The following SLC38A8 variants were observed in gnomAD, a reference collection of about 807,000 sequenced individuals.
SLC38A8 encodes the protein solute carrier family 38 member 8, also known as amino acid transporter SLC38A8.
In SLC38A8, 65 loss-of-function variants were observed where a neutral mutation model predicts 46.0. That is an observed-to-expected ratio of 1.41 (90% CI 1.16 to 1.74). The LOEUF is 1.74. Ranked by LOEUF, SLC38A8 falls within the 40% of genes most tolerant of loss-of-function variation. The pLI, the probability that SLC38A8 is intolerant of heterozygous loss-of-function variation, is 0.00. For missense variants in SLC38A8, 998 were observed against 567.9 expected (o/e 1.76, Z -7.70); for synonymous variants, 447 against 243.7 (o/e 1.83, Z -7.77).
intron 10 of SLC38A8, among the ~76,000 whole-genome samples, chr16:84,011,105 A>G (rs1251367186): frequency 6.6e-6 from 1 of 152,242 alleles, no homozygotes; most frequent in African/African-American, 2.4e-5. Flanking sequence ...CTAACCGAGC[A>G]GCATCTCAGC....
chr16:84,024,651 A>T (rs771116475), intron 6 of SLC38A8, among the ~76,000 whole-genome samples: 32 of 152,046 alleles, frequency 2.1e-4, no homozygotes, highest in Non-Finnish European at 7.4e-5. Context: ...TGTGGTGGCA[A>T]GCACCTGTAA....
chr16:84,016,501 G>A lies in SLC38A8; in HGVS notation c.1162+18C>T. 6.2e-7 allele frequency: 1 copy of A among 1,610,990 alleles called. No individual in the cohort carries two copies. The highest frequency in any genetic ancestry group is 1.1e-5 in the South Asian group (1 of 90,922). ...GGAAGAACAAGTGGGCAGAAAGCCTGGAAAGCAGGGGCCTCACCTGGGAAG... is the reference window on the plus strand; with the variant it reads ...GGAAGAACAAGTGGGCAGAAAGCCTAGAAAGCAGGGGCCTCACCTGGGAAG... On this transcript the variant is annotated intron_variant, in intron 9 of 10. Coordinates refer to ENST00000299709, the MANE Select transcript of SLC38A8 (RefSeq NM_001080442.3).
At chr16:84,043,296 G>A (rs534803138), upstream of SLC38A8, among the ~76,000 whole-genome samples, 29 of 152,310 alleles carry the variant, frequency 1.9e-4, no homozygotes, top group South Asian at 3.5e-3. Context: ...TATCGGAGAC[G>A]GCCCCATTCC....
chr16:84,010,993 C>G (rs1476456798), intron 10 of SLC38A8, among the ~76,000 whole-genome samples: 2 of 152,146 alleles, frequency 1.3e-5, no homozygotes, highest in Non-Finnish European at 2.9e-5. Context: ...ACAAGGAGGT[C>G]AGAGCGATAA....
At chr16:84,041,872 G>T in intron 2 of SLC38A8, 97 bp downstream of exon 2, 1 of 1,099,122 alleles carries the variant, frequency 9.1e-7, no homozygotes, top group Non-Finnish European at 1.3e-6. Context: ...ATAGCTTACA[G>T]GACACGCAAC....
At chr16:84,013,573 G>C (rs2084984520) in intron 9 of SLC38A8, among the ~76,000 whole-genome samples, 1 of 151,654 alleles carries the variant, frequency 6.6e-6, no homozygotes, top group East Asian at 1.9e-4. Context: ...TGGGACTACA[G>C]GTGCGTGCCA....
intron 7 of SLC38A8, among the ~76,000 whole-genome samples, chr16:84,019,388 C>T (rs1221994247): frequency 6.6e-6 from 1 of 152,090 alleles, no homozygotes; most frequent in Non-Finnish European, 1.5e-5. Context: ...ATATTTTTAA[C>T]CCGAAATAAT....
At chr16:84,030,736 G>T (rs1258014391) in intron 5 of SLC38A8, among the ~76,000 whole-genome samples, 2 of 152,132 alleles carry the variant, frequency 1.3e-5, no homozygotes, top group South Asian at 4.1e-4. Context: ...AATTCACAGG[G>T]CCAGGTGCAG....
intron 5 of SLC38A8, among the ~76,000 whole-genome samples, chr16:84,031,534 C>CA (rs1191900272): frequency 6.6e-6 from 1 of 151,792 alleles, no homozygotes; most frequent in African/African-American, 2.4e-5. Flanking sequence ...TGTTCCCCTG[C>CA]CCCGGTACAT....
intron 3 of SLC38A8, among the ~76,000 whole-genome samples, chr16:84,035,353 C>T (rs963490944): frequency 6.6e-6 from 1 of 152,148 alleles, no homozygotes; most frequent in African/African-American, 2.4e-5. Flanking sequence ...AATCTCAATA[C>T]CCCCCAGTCA....
intron 2 of SLC38A8, among the ~76,000 whole-genome samples, chr16:84,037,102 G>A (rs537275995): frequency 4.9e-4 from 75 of 152,344 alleles, no homozygotes; most frequent in African/African-American, 1.7e-3. Context: ...CAGAGCTGCA[G>A]TGCAGGCTGA....
chr16:84,033,570 C>T (rs562481164), intron 3 of SLC38A8, 101 bp from the exon 4 acceptor site: 2 of 1,366,556 alleles, frequency 1.5e-6, no homozygotes, highest in Admixed American at 2.7e-5. Context: ...GACATCCACC[C>T]TCAGCCAGCC....
Position 84,022,839 on chromosome 16 carries a change from G to T in SLC38A8, c.741C>A (p.Leu247=). 1 of 1,612,682 alleles carries T rather than the reference G, an allele frequency of 6.2e-7. No homozygotes were observed. Residue 247 remains leucine, a synonymous_variant, in exon 7 of 11, where the codon CTC becomes CTA. Coordinates refer to ENST00000299709, the MANE Select transcript of SLC38A8 (RefSeq NM_001080442.3). ...SIYCSMRKRS[L]SHWALVSVLS... ...GCACAGACACCAGGGCCCAGTGGGA[G>T]AGGCTCCGTTTGCGCATGCTGCAGT...
chr16:84,028,465 G>C (rs551363647), intron 6 of SLC38A8, among the ~76,000 whole-genome samples: 16 of 151,402 alleles, frequency 1.1e-4, no homozygotes, highest in Non-Finnish European at 1.0e-4. Context: ...CACGCCTGTA[G>C]TCCCAGCTAC....
Position 84,031,892 on chromosome 16 carries a change from C to G in SLC38A8, c.607G>C (p.Val203Leu), listed in dbSNP as rs369625047. The change falls in exon 5 of 11, where the codon GTG becomes CTG. Residue 203 changes from valine to leucine, a missense_variant. Physicochemically the swap from Val to Leu is conservative, Grantham distance 32. Transcript: ENST00000299709. ...CTCAGTGAAGGATGGGACTCACGCA[C>G]GAGGCCCTGGGGCCAGAGGTAGTAC... ...VQYYLWPQGL[V>L]RESHPSLSPA... is the part of the protein sequence containing the mutation. The G allele has an allele frequency of 3.1e-6, 5 of 1,614,024 alleles. No homozygotes were observed. The highest frequency in any genetic ancestry group is 2.7e-5 in the African/African-American group (2 of 74,948).
intron 10 of SLC38A8, among the ~76,000 whole-genome samples, chr16:84,012,400 A>T (rs1287250848): frequency 6.6e-6 from 1 of 152,174 alleles, no homozygotes; most frequent in Non-Finnish European, 1.5e-5. Context: ...GAAAGATCCA[A>T]ATTATCTGGT....
At chr16:84,038,508 C>T (rs1412872046) in intron 2 of SLC38A8, among the ~76,000 whole-genome samples, 1 of 152,196 alleles carries the variant, frequency 6.6e-6, no homozygotes, top group African/African-American at 2.4e-5. Context: ...TCCCAGTGTA[C>T]ATCCCCTGGA....
chr16:84,017,378 A>C, intron 7 of SLC38A8, 91 bp from the exon 8 acceptor site: 2 of 1,468,684 alleles, frequency 1.4e-6, no homozygotes, highest in Non-Finnish European at 1.8e-6. Flanking sequence ...TGGCTTTACC[A>C]CCTAAGATTT....
intron 3 of SLC38A8, among the ~76,000 whole-genome samples, 196 bp from the exon 4 acceptor site, chr16:84,033,665 T>G (rs2151126458): frequency 6.6e-6 from 1 of 152,170 alleles, no homozygotes; most frequent in East Asian, 1.9e-4. Context: ...CATGAATTCA[T>G]TCAACAAACA....
Sources: gnomAD v4.1 joint callset for allele counts (sites outside exome capture counted in the v4.1 genomes callset) on GRCh38, gnomAD v4.1.1 for gene constraint, MANE v1.5 for transcripts, NCBI Gene and HGNC (gene_info 2026-07-23, HGNC 2026-07-21) for gene names.